The following FOXP2 variants were observed in gnomAD, a reference collection of about 807,000 sequenced individuals.
FOXP2 encodes forkhead box protein P2.
FOXP2 carries 12 observed loss-of-function variants against 115.8 expected under a neutral mutation model. The ratio of observed to expected loss-of-function variants is 0.10; its 90% CI spans 0.07 to 0.17. The LOEUF is 0.17. FOXP2 is among the 10% of genes least tolerant of loss of function. The pLI is 1.00. For synonymous variants in FOXP2, 328 were observed against 297.7 expected (o/e 1.10, Z -1.05); for missense variants, 629 against 843.5 (o/e 0.75, Z 3.15).
At chr7:114,598,377 G>A (rs1285348497) in intron 3 of FOXP2, among the ~76,000 whole-genome samples, 2 of 152,050 alleles carry the variant, frequency 1.3e-5, no homozygotes, top group Non-Finnish European at 2.9e-5. Context: ...ATCTTTTGAT[G>A]GATACTGCCT....
At chr7:114,406,455 T>C (rs1037430572) in intron 2 of FOXP2, among the ~76,000 whole-genome samples, 6 of 151,978 alleles carry the variant, frequency 3.9e-5, no homozygotes, top group Admixed American at 2.6e-4. Flanking sequence ...AATGTGATGA[T>C]TTTATTATTC....
At chr7:114,295,002 A>G (rs1796707539) in intron 2 of FOXP2, among the ~76,000 whole-genome samples, 1 of 152,136 alleles carries the variant, frequency 6.6e-6, no homozygotes, top group African/African-American at 2.4e-5. Flanking sequence ...ATTTGGACAA[A>G]CATAATGCAC....
At chr7:114,250,680 G>A (rs936925745) in intron 1 of FOXP2, among the ~76,000 whole-genome samples, 1 of 152,122 alleles carries the variant, frequency 6.6e-6, no homozygotes, top group South Asian at 2.1e-4. Context: ...TGAGTTTTTT[G>A]TAGATTCTAG....
At chr7:114,480,265 C>G (rs1796466424) in intron 2 of FOXP2, among the ~76,000 whole-genome samples, 1 of 151,128 alleles carries the variant, frequency 6.6e-6, no homozygotes, top group African/African-American at 2.4e-5. Flanking sequence ...CCCTGTCCCC[C>G]TCTTCCTCCT....
Position 114,691,020 on chromosome 7 carries a change from A to G in FOXP2, c.*1094A>G, listed in dbSNP as rs563231612. 1.3e-4 allele frequency: 57 copies of G among 454,314 alleles called. No individual in the cohort carries two copies. The highest frequency in any genetic ancestry group is 2.2e-5 in the Non-Finnish European group (5 of 226,776). 28.1% of individuals were successfully genotyped at this position (454,314 alleles called of 1,614,324 possible). On this transcript the variant is annotated 3_prime_UTR_variant, in exon 17 of 17. Coordinates refer to ENST00000350908, the MANE Select transcript of FOXP2 (RefSeq NM_014491.4). ...ATGAAGATTTGCTTTCATTAAAGAC[A>G]GAGGTGAGGACAAAATCCGCAGTGG... is the stretch of plus-strand genomic sequence containing the variant.
At chr7:114,546,246 G>A (rs1025503287) in intron 3 of FOXP2, among the ~76,000 whole-genome samples, 3 of 152,152 alleles carry the variant, frequency 2.0e-5, no homozygotes, top group Admixed American at 6.5e-5. Flanking sequence ...TTTTCCTGAC[G>A]CCATTGTGTA....
chr7:114,486,414 G>C (rs978822506), intron 2 of FOXP2, among the ~76,000 whole-genome samples: 2 of 152,046 alleles, frequency 1.3e-5, no homozygotes, highest in Non-Finnish European at 2.9e-5. Flanking sequence ...GGGGATTATG[G>C]AAGCTATAAT....
intron 2 of FOXP2, among the ~76,000 whole-genome samples, chr7:114,307,999 C>T (rs527752119): frequency 2.0e-5 from 3 of 152,116 alleles, no homozygotes; most frequent in African/African-American, 7.2e-5. Context: ...AGGGAAGGAG[C>T]GTTAATTAAT....
intron 3 of FOXP2, among the ~76,000 whole-genome samples, chr7:114,580,610 A>C (rs1357923850): frequency 6.6e-6 from 1 of 152,004 alleles, no homozygotes; most frequent in African/African-American, 2.4e-5. Context: ...AACAAAACAG[A>C]AAACAAGAAA....
At chr7:114,538,245 A>AT (rs1409236894) in intron 3 of FOXP2, 1 of 1,055,310 alleles carries the variant, frequency 9.5e-7, no homozygotes, top group Non-Finnish European at 1.3e-6. Flanking sequence ...TACATTTTCA[A>AT]TTTTCTAGCC....
chr7:114,683,578 G>C (rs190315441), intron 16 of FOXP2, among the ~76,000 whole-genome samples: 1 of 152,172 alleles, frequency 6.6e-6, no homozygotes, highest in African/African-American at 2.4e-5. Flanking sequence ...TGCTTTGAAG[G>C]TTCAGAGTAG....
chr7:114,650,739 G>A (rs1286951442), intron 8 of FOXP2, among the ~76,000 whole-genome samples: 1 of 151,850 alleles, frequency 6.6e-6, no homozygotes, highest in Non-Finnish European at 1.5e-5. Flanking sequence ...TAGTGGAAGT[G>A]CCTCCCCTGC....
At chr7:114,466,095 C>G (rs140942100) in intron 2 of FOXP2, among the ~76,000 whole-genome samples, 1 of 152,164 alleles carries the variant, frequency 6.6e-6, no homozygotes, top group Non-Finnish European at 1.5e-5. Context: ...GTTCCTAGAT[C>G]TCAGCTTACT....
intron 2 of FOXP2, among the ~76,000 whole-genome samples, chr7:114,491,242 T>A (rs1183894293): frequency 2.0e-5 from 3 of 152,228 alleles, no homozygotes; most frequent in Non-Finnish European, 1.5e-5. Flanking sequence ...TGATTTGCAT[T>A]TCTCTGATGG....
intron 1 of FOXP2, among the ~76,000 whole-genome samples, chr7:114,262,853 T>C (rs958745233): frequency 3.2e-4 from 48 of 152,158 alleles, no homozygotes; most frequent in African/African-American, 1.0e-3. Context: ...TAAATAAAAT[T>C]TATTTTTAGG....
chr7:114,605,544 G>A (rs981429315), intron 3 of FOXP2, among the ~76,000 whole-genome samples: 3 of 152,124 alleles, frequency 2.0e-5, no homozygotes, highest in African/African-American at 7.2e-5. Context: ...TAAAGTAAGG[G>A]GATAGTAGAG....
At chr7:114,512,838 C>G (rs907558422) in intron 2 of FOXP2, among the ~76,000 whole-genome samples, 20 of 152,076 alleles carry the variant, frequency 1.3e-4, no homozygotes, top group Admixed American at 4.6e-4. Context: ...AATCCCAGCA[C>G]TTTGGGAGGC....
At chr7:114,401,932 G>C (rs1256319507) in intron 2 of FOXP2, among the ~76,000 whole-genome samples, 1 of 152,036 alleles carries the variant, frequency 6.6e-6, no homozygotes, top group Non-Finnish European at 1.5e-5. Context: ...GACCAGCCTG[G>C]CAAACATGGT....
intron 1 of FOXP2, among the ~76,000 whole-genome samples, chr7:114,176,140 G>C (rs1793282082): frequency 6.6e-6 from 1 of 151,710 alleles, no homozygotes. Context: ...ATGTTTAGGG[G>C]ATTTATAAAC....
Sources: gnomAD v4.1 joint callset for allele counts (sites outside exome capture counted in the v4.1 genomes callset) on GRCh38, gnomAD v4.1.1 for gene constraint, MANE v1.5 for transcripts, NCBI Gene and HGNC (gene_info 2026-07-23, HGNC 2026-07-21) for gene names.